USP3: variants seen among roughly 807,000 people sequenced by gnomAD.
The protein encoded by USP3 is ubiquitin specific peptidase 3, also known as ubiquitin carboxyl-terminal hydrolase 3.
In USP3, 20 loss-of-function variants were observed where a neutral mutation model predicts 72.3. The observed-to-expected ratio is 0.28, with a 90% CI of 0.19 to 0.40. The LOEUF (loss-of-function observed/expected upper bound fraction) is 0.40. USP3 is among the 10% of genes least tolerant of loss of function. The probability of loss-of-function intolerance (pLI) is 1.00; values close to 1 mark genes in which losing one functional copy is unlikely to be tolerated. For synonymous variants in USP3, 222 were observed against 225.3 expected, an observed-to-expected ratio of 0.99 and a Z score of 0.13; for missense variants, 479 against 633.9, an observed-to-expected ratio of 0.76 and a Z score of 2.62.
At chr15:63,565,847 A>G (rs751520273) in intron 8 of USP3, among the ~76,000 whole-genome samples, 2 of 152,222 alleles carry the variant, frequency 1.3e-5, no homozygotes, top group Non-Finnish European at 2.9e-5. Context: ...TATTTTACAT[A>G]CATGTGCAGG....
At chr15:63,589,045 A>G in intron 14 of USP3, 34 bp downstream of exon 14, 1 of 1,611,598 alleles carries the variant, frequency 6.2e-7, no homozygotes, top group East Asian at 2.2e-5. Context: ...GTGGGTGGGA[A>G]TACCTGGTGG....
At chr15:63,577,632 A>G (rs1361142969) in intron 11 of USP3, among the ~76,000 whole-genome samples, 1 of 152,126 alleles carries the variant, frequency 6.6e-6, no homozygotes, top group Admixed American at 6.5e-5. Flanking sequence ...AGTACCTGTA[A>G]CCCCAGCTAT....
intron 11 of USP3, among the ~76,000 whole-genome samples, chr15:63,585,064 AAG>A (rs1429615221): frequency 6.6e-5 from 10 of 152,188 alleles, no homozygotes; most frequent in Non-Finnish European, 1.3e-4. Context: ...ACTATATAGT[AAG>A]AGTTTTTTTC....
chr15:63,567,410 G>C (rs991896645), intron 8 of USP3, among the ~76,000 whole-genome samples: 3 of 144,344 alleles, frequency 2.1e-5, no homozygotes, highest in Admixed American at 7.2e-5. Context: ...GCAGTGGCAC[G>C]ATCTCGGCTC....
rs1170722677 is a variant in USP3 at position 63,590,843 on chromosome 15, T to A, written c.*17T>A. 3 of 1,600,010 alleles carry A rather than the reference T, an allele frequency of 1.9e-6. No individual in the cohort carries two copies. The highest frequency in any genetic ancestry group is 1.7e-5 in the Admixed American group (1 of 57,686). On this transcript the variant is annotated 3_prime_UTR_variant, in exon 15 of 15. Coordinates refer to ENST00000380324, the MANE Select transcript of USP3 (RefSeq NM_006537.4). ...AAACTTTAATACCTCCTCCAAATCA[T>A]CATTCACCAACCATACCAGAGAAAC...
At position 63,588,519 on chromosome 15, in the gene USP3, G is replaced by A. The variant is rs1157777974; in HGVS notation, c.1215+96G>A. 1 of 1,050,982 alleles carries A rather than the reference G, an allele frequency of 9.5e-7. No individual in the cohort carries two copies. Among genetic ancestry groups the A allele is most frequent in the Non-Finnish European group, 1.4e-6 (1 of 706,416 alleles). The allele number at this position is 1,050,982 out of a possible 1,614,324, so 65.1% of individuals were successfully genotyped here. A position where few individuals can be genotyped will look rare whatever the true frequency, so the allele number is the denominator to read the frequency against. On this transcript the variant is annotated intron_variant, in intron 12 of 14. Transcript: ENST00000380324. The surrounding 1 kb of genome is among the most constrained non-coding windows in gnomAD (Gnocchi z 4.6). Reference sequence around the variant, plus strand: ...AACTTTACACTATGTGAACTGTTCTGTATTTTTCTCTAGGATTTTCAGTAA... The same window carrying A: ...AACTTTACACTATGTGAACTGTTCTATATTTTTCTCTAGGATTTTCAGTAA...
In USP3 at chr15:63,504,608, G is replaced by C. The variant is rs2065682444; in HGVS notation, c.-132G>C. ...GAAGCCCGTGCTTTCTTTGACGCAA[G>C]GGCTCGAGACGCAGCCGCCGTCGGC... On this transcript the variant is annotated 5_prime_UTR_variant, in exon 1 of 15. Coordinates refer to ENST00000380324, the MANE Select transcript of USP3 (RefSeq NM_006537.4). The C allele has an allele frequency of 2.9e-6, 2 of 678,394 alleles. No homozygotes were observed. Among genetic ancestry groups the C allele is most frequent in the Non-Finnish European group, 4.5e-6 (2 of 440,452 alleles). 42.0% of individuals were successfully genotyped at this position (678,394 alleles called of 1,614,324 possible). A position where few individuals can be genotyped will look rare whatever the true frequency, so the allele number is the denominator to read the frequency against.
chr15:63,504,622 G>C lies in USP3; in HGVS notation c.-118G>C, dbSNP rs1322939802. Reference sequence around the variant, plus strand: ...CTTTGACGCAAGGGCTCGAGACGCAGCCGCCGTCGGCCGAGCGCCCGGCTA... The same window carrying C: ...CTTTGACGCAAGGGCTCGAGACGCACCCGCCGTCGGCCGAGCGCCCGGCTA... On this transcript the variant is annotated 5_prime_UTR_variant, in exon 1 of 15. Coordinates refer to ENST00000380324, the MANE Select transcript of USP3 (RefSeq NM_006537.4). 1.2e-6 allele frequency: 1 copy of C among 831,622 alleles called. No homozygotes were observed. Among genetic ancestry groups the C allele is most frequent in the African/African-American group, 1.8e-5 (1 of 55,852 alleles). 51.5% of individuals were successfully genotyped at this position (831,622 alleles called of 1,614,324 possible).
intron 11 of USP3, among the ~76,000 whole-genome samples, chr15:63,575,956 T>C: frequency 6.6e-6 from 1 of 151,540 alleles, no homozygotes; most frequent in East Asian, 1.9e-4. Context: ...TTCCTCGCTA[T>C]AAATACATGG....
At chr15:63,573,091 T>G (rs2066805578) in intron 9 of USP3, among the ~76,000 whole-genome samples, 1 of 152,224 alleles carries the variant, frequency 6.6e-6, no homozygotes, top group Non-Finnish European at 1.5e-5. Flanking sequence ...TTCCATTGTA[T>G]GTCCATACTC....
intron 3 of USP3, among the ~76,000 whole-genome samples, chr15:63,545,734 C>T (rs1011258): frequency 0.48 from 72,229 of 151,640 alleles, 18,156 homozygotes; most frequent in Non-Finnish European, 0.56. Flanking sequence ...CATTGGGAGG[C>T]TAAGGCGGGC....
intron 3 of USP3, chr15:63,542,024 T>G (rs1283078423): frequency 1.0e-6 from 1 of 984,510 alleles, no homozygotes; most frequent in East Asian, 1.1e-4. Context: ...AAAAAATGTT[T>G]TATTTGTATG....
intron 3 of USP3, among the ~76,000 whole-genome samples, chr15:63,547,831 AGAGAGGGAGGGAGG>A (rs2066367324): frequency 8.6e-6 from 1 of 116,624 alleles, no homozygotes; most frequent in Non-Finnish European, 1.9e-5. Context: ...AGAGAGAGAG[AGAGAGGGAGGGAGG>A]GAGAGAGAGA....
intron 11 of USP3, among the ~76,000 whole-genome samples, chr15:63,587,227 A>G (rs2067086881): frequency 2.0e-5 from 3 of 152,170 alleles, no homozygotes; most frequent in Admixed American, 1.3e-4. Flanking sequence ...ATGGCCACAC[A>G]GGTTGTCCAC....
At chr15:63,515,439 A>C (rs2065838724) in intron 1 of USP3, 1 of 152,278 alleles carries the variant, frequency 6.6e-6, no homozygotes, top group Non-Finnish European at 1.5e-5. Context: ...AGCCCCGTGG[A>C]CCAGAATTTG....
intron 11 of USP3, among the ~76,000 whole-genome samples, chr15:63,582,379 C>T (rs1371148662): frequency 3.3e-5 from 5 of 152,178 alleles, no homozygotes; most frequent in Admixed American, 6.5e-5. Context: ...GTCTCCTTAC[C>T]TTCTGCTTTG....
In USP3 at chr15:63,593,271, G is replaced by T. The variant is rs1051046036; in HGVS notation, c.*2445G>T. 7.2e-5 allele frequency: 11 copies of T among 152,244 alleles called. No individual in the cohort carries two copies. Among genetic ancestry groups the T allele is most frequent in the African/African-American group, 2.7e-4 (11 of 41,470 alleles). The allele number at this position is 152,244 out of a possible 1,614,324, so 9.4% of individuals were successfully genotyped here. ...AAATGACAGCTCCACCTGATCTGAT[G>T]TATCACACATTAACATCACATCTAA... On this transcript the variant is annotated 3_prime_UTR_variant, in exon 15 of 15. Transcript: ENST00000380324.
intron 1 of USP3, among the ~76,000 whole-genome samples, chr15:63,519,066 G>T (rs1218606355): frequency 6.6e-6 from 1 of 152,050 alleles, no homozygotes; most frequent in Non-Finnish European, 1.5e-5. Context: ...CGCCTGGCCG[G>T]GTCTTTCTTT....
At chr15:63,542,018 A>T in intron 3 of USP3, 1 of 983,836 alleles carries the variant, frequency 1.0e-6, no homozygotes. Context: ...TTGCATAAAA[A>T]ATGTTTTATT....
Sources: gnomAD v4.1 joint callset for allele counts (sites outside exome capture counted in the v4.1 genomes callset) on GRCh38, gnomAD v4.1.1 for gene constraint, Gnocchi (gnomAD v3.1) non-coding constraint, MANE v1.5 for transcripts, NCBI Gene and HGNC (gene_info 2026-07-23, HGNC 2026-07-21) for gene names.